Variants in PDE8A observed in about 807,000 individuals in gnomAD.
PDE8A encodes high affinity cAMP-specific and IBMX-insensitive 3',5'-cyclic phosphodiesterase 8A.
PDE8A carries 59 observed loss-of-function variants against 105.0 expected under a neutral mutation model. That is an observed-to-expected ratio of 0.56 (90% CI 0.46 to 0.70). The LOEUF is 0.70. Among genes scored for constraint, PDE8A ranks in the 30% least tolerant of loss-of-function variants. The pLI is 0.00. For missense variants in PDE8A, 1,014 were observed against 1,045.9 expected (o/e 0.97, Z 0.42); for synonymous variants, 355 against 371.9 (o/e 0.95, Z 0.52).
At chr15:85,102,037 G>T (rs1323500672) in intron 11 of PDE8A, among the ~76,000 whole-genome samples, 1 of 152,170 alleles carries the variant, frequency 6.6e-6, no homozygotes, top group Non-Finnish European at 1.5e-5. Flanking sequence ...GGCCAGCCAA[G>T]CATTAGCAAG....
At chr15:85,136,433 A>G in intron 20 of PDE8A, 101 bp from the exon 21 acceptor site, 1 of 1,306,410 alleles carries the variant, frequency 7.7e-7, no homozygotes, top group Non-Finnish European at 1.1e-6. Context: ...ATGACAAGCC[A>G]CCTTAGGCTG....
intron 16 of PDE8A, 40 bp from the exon 17 acceptor site, chr15:85,117,601 T>C: frequency 6.4e-7 from 1 of 1,560,114 alleles, no homozygotes; most frequent in Non-Finnish European, 8.8e-7. Context: ...GCCTGTTTGT[T>C]TGCTTTGTTC....
At chr15:85,014,632 T>C (rs1324819730) in intron 1 of PDE8A, among the ~76,000 whole-genome samples, 1 of 152,208 alleles carries the variant, frequency 6.6e-6, no homozygotes, top group Non-Finnish European at 1.5e-5. Flanking sequence ...ATTACCTATA[T>C]TGATGTTCAT....
At chr15:85,081,343 C>A (rs757858574) in intron 5 of PDE8A, among the ~76,000 whole-genome samples, 2 of 152,098 alleles carry the variant, frequency 1.3e-5, no homozygotes, top group African/African-American at 4.8e-5. Flanking sequence ...TGAATAACAT[C>A]CCTAGGGAGT....
intron 1 of PDE8A, among the ~76,000 whole-genome samples, chr15:85,061,645 T>G (rs1458969703): frequency 6.6e-6 from 1 of 152,204 alleles, no homozygotes; most frequent in African/African-American, 2.4e-5. Flanking sequence ...TTGAGCTTCT[T>G]TATGTCCTAC....
intron 1 of PDE8A, among the ~76,000 whole-genome samples, chr15:85,015,062 A>G (rs1045926834): frequency 6.6e-6 from 1 of 152,178 alleles, no homozygotes; most frequent in Non-Finnish European, 1.5e-5. Context: ...TTCAGTTAGC[A>G]TAATGTTTTC....
chr15:85,086,281 A>G (rs947358734), intron 6 of PDE8A, among the ~76,000 whole-genome samples: 1 of 152,228 alleles, frequency 6.6e-6, no homozygotes, highest in Admixed American at 6.5e-5. Flanking sequence ...TTATAAACTA[A>G]CACTTATAAA....
At chr15:85,033,277 T>C (rs1197001680) in intron 1 of PDE8A, among the ~76,000 whole-genome samples, 1 of 152,188 alleles carries the variant, frequency 6.6e-6, no homozygotes, top group Non-Finnish European at 1.5e-5. Flanking sequence ...CACAAGCTGA[T>C]GGCAGGAGCT....
chr15:85,055,999 G>A, intron 1 of PDE8A, among the ~76,000 whole-genome samples: 1 of 152,170 alleles, frequency 6.6e-6, no homozygotes, highest in Non-Finnish European at 1.5e-5. Flanking sequence ...TGTAAGGCAG[G>A]CCTGGTGGTG....
intron 1 of PDE8A, among the ~76,000 whole-genome samples, chr15:84,983,127 T>C (rs2079746978): frequency 6.6e-6 from 1 of 152,176 alleles, no homozygotes; most frequent in African/African-American, 2.4e-5. Flanking sequence ...TTAGTCTTTG[T>C]TGAGGTTTTC....
intron 1 of PDE8A, among the ~76,000 whole-genome samples, chr15:85,008,710 T>C (rs1008413909): frequency 6.6e-6 from 1 of 152,178 alleles, no homozygotes; most frequent in Non-Finnish European, 1.5e-5. Flanking sequence ...TCACCTGATA[T>C]GAACTTCCTC....
chr15:84,986,618 T>C lies in PDE8A; in HGVS notation c.186+4270T>C, dbSNP rs1054337498. Among the ~76,000 whole-genome samples, 901 of 148,940 alleles carry C rather than the reference T, an allele frequency of 6.0e-3. 6 individuals are homozygous for C. The highest frequency in any genetic ancestry group is 0.021 in the African/African-American group (861 of 40,986). The stretch of plus-strand genomic sequence containing the variant: ...TTACAAAGTGGATTAGTCAAAACTT[T>C]TTTTTTTTTTTTAAGACAGCGTCTT... On this transcript the variant is annotated intron_variant, in intron 1 of 21. Transcript: ENST00000394553.
At chr15:85,074,174 G>T (rs1312184395) in intron 3 of PDE8A, among the ~76,000 whole-genome samples, 2 of 152,190 alleles carry the variant, frequency 1.3e-5, no homozygotes, top group Non-Finnish European at 2.9e-5. Context: ...TTCTGCATGT[G>T]TTGTTAGATT....
At chr15:85,060,040 GACTTA>G (rs1320169546) in intron 1 of PDE8A, among the ~76,000 whole-genome samples, 2 of 152,074 alleles carry the variant, frequency 1.3e-5, no homozygotes, top group African/African-American at 4.8e-5. Context: ...GATAAAGGTG[GACTTA>G]ACTTCTGTCA....
In PDE8A at chr15:84,982,298, C is replaced by G; in HGVS notation, c.136C>G (p.Arg46Gly). 1 of 1,376,708 alleles carries G rather than the reference C, an allele frequency of 7.3e-7. No homozygotes were observed. The highest frequency in any genetic ancestry group is 1.7e-5 in the South Asian group (1 of 59,062). 85.3% of individuals were successfully genotyped at this position (1,376,708 alleles called of 1,614,324 possible). A position where few individuals can be genotyped will look rare whatever the true frequency, so the allele number is the denominator to read the frequency against. Residue 46 changes from arginine to glycine, a missense_variant, in exon 1 of 22, where the codon CGC (arginine) becomes GGC (glycine). Physicochemically the swap from Arg to Gly is moderately radical, Grantham distance 125 (BLOSUM62 -2). Coordinates refer to ENST00000394553, the MANE Select transcript of PDE8A (RefSeq NM_002605.3). ...GQKTAALPRT[R>G]GAGLLESELR... is the part of the protein sequence containing the mutation. ...GAAGACGGCCGCCTTGCCCCGGACC[C>G]GCGGCGCCGGCCTCTTGGAGTCGGA...
intron 3 of PDE8A, among the ~76,000 whole-genome samples, chr15:85,075,020 G>A (rs145837933): frequency 2.0e-3 from 311 of 152,298 alleles, no homozygotes; most frequent in African/African-American, 7.2e-3. Context: ...CTCCAGTGGA[G>A]TTGTTCTTCT....
intron 1 of PDE8A, among the ~76,000 whole-genome samples, chr15:85,002,838 C>T (rs2080088040): frequency 1.3e-5 from 2 of 152,294 alleles, no homozygotes; most frequent in African/African-American, 2.4e-5. Context: ...GAAGTCACTT[C>T]TTTCACCTTT....
intron 3 of PDE8A, among the ~76,000 whole-genome samples, chr15:85,070,362 T>G (rs903477754): frequency 6.6e-6 from 1 of 152,232 alleles, no homozygotes; most frequent in African/African-American, 2.4e-5. Context: ...GCACTGCATT[T>G]GGTACTAGAG....
chr15:85,085,421 C>T (rs944697107), intron 6 of PDE8A, among the ~76,000 whole-genome samples: 2 of 152,156 alleles, frequency 1.3e-5, no homozygotes, highest in Non-Finnish European at 2.9e-5. Flanking sequence ...AGAAACAGGC[C>T]GGGCACGGTG....
Sources: gnomAD v4.1 joint callset for allele counts (sites outside exome capture counted in the v4.1 genomes callset) on GRCh38, gnomAD v4.1.1 for gene constraint, MANE v1.5 for transcripts, NCBI Gene and HGNC (gene_info 2026-07-23, HGNC 2026-07-21) for gene names.